CDH20: variants seen among roughly 807,000 people sequenced by gnomAD.
The protein encoded by CDH20 is cadherin-20.
Under a neutral mutation model 74.2 loss-of-function variants are expected in CDH20, and 29 were observed. That is an observed-to-expected ratio of 0.39 (90% confidence interval 0.29 to 0.53). CDH20 has a LOEUF of 0.53. Among genes scored for constraint, CDH20 ranks in the 20% least tolerant of loss-of-function variants. CDH20 has a pLI of 0.69. For synonymous variants in CDH20, 469 were observed against 405.4 expected, an observed-to-expected ratio of 1.16 and a Z score of -1.88; for missense variants, 988 against 1,048.3, an observed-to-expected ratio of 0.94 and a Z score of 0.79.
At chr18:61,481,602 G>A (rs111296791) in intron 1 of CDH20, among the ~76,000 whole-genome samples, 1 of 152,264 alleles carries the variant, frequency 6.6e-6, no homozygotes, top group African/African-American at 2.4e-5. Flanking sequence ...GGCATTAAAA[G>A]GCAAATTTTT....
intron 1 of CDH20, among the ~76,000 whole-genome samples, chr18:61,427,215 A>G (rs971885735): frequency 2.0e-5 from 3 of 152,142 alleles, no homozygotes; most frequent in Non-Finnish European, 2.9e-5. Context: ...ATACAATAAC[A>G]TTACATACAA....
At chr18:61,484,737 CCACACACACACACACACACACACACA>C (rs36203080) in intron 1 of CDH20, among the ~76,000 whole-genome samples, 47 of 146,248 alleles carry the variant, frequency 3.2e-4, no homozygotes, top group African/African-American at 4.6e-4. Context: ...TTGCTCTACT[CCACACACACACACACACACACACACA>C]CACACACACA....
intron 1 of CDH20, chr18:61,391,454 C>T (rs1268623228): frequency 6.6e-6 from 1 of 151,966 alleles, no homozygotes; most frequent in Non-Finnish European, 1.5e-5. Flanking sequence ...ATACATAATA[C>T]AATTTGCAGA....
At chr18:61,475,279 G>C (rs1331966234) in intron 1 of CDH20, among the ~76,000 whole-genome samples, 1 of 152,158 alleles carries the variant, frequency 6.6e-6, no homozygotes, top group Non-Finnish European at 1.5e-5. Context: ...GCCAGATATA[G>C]GGGTGTGAAG....
intron 1 of CDH20, among the ~76,000 whole-genome samples, chr18:61,439,180 T>C (rs894285100): frequency 9.9e-5 from 15 of 152,074 alleles, no homozygotes; most frequent in African/African-American, 3.6e-4. Context: ...ACGAGATCAA[T>C]TGTACCCCAA....
chr18:61,415,543 C>T (rs1462328398), intron 1 of CDH20, among the ~76,000 whole-genome samples: 1 of 152,108 alleles, frequency 6.6e-6, no homozygotes, highest in African/African-American at 2.4e-5. Context: ...GTATTGTTCA[C>T]TCATCTTTTC....
chr18:61,499,470 GT>G lies in CDH20; in HGVS notation c.532del (p.Ser178ProfsTer10), dbSNP rs1197767019. On this transcript the variant is annotated frameshift_variant, in exon 3 of 12. Coordinates refer to ENST00000262717, the MANE Select transcript of CDH20 (RefSeq NM_031891.4). LOFTEE classifies it high-confidence loss of function. ...GPYVATVPEMSPVGTSVIQVT... is the reference protein window; with the variant it reads ...GPYVATVPEMXPVGTSVIQVT... The stretch of plus-strand genomic sequence containing the variant: ...CTTATGTGGCCACTGTGCCAGAAAT[GT>G]CCCCTGTGGGTAAGGTGGTGACTCG... 6.2e-7 allele frequency: 1 copy of G among 1,603,778 alleles called. No homozygotes were observed. Among genetic ancestry groups the G allele is most frequent in the Non-Finnish European group, 8.5e-7 (1 of 1,174,188 alleles).
intron 1 of CDH20, among the ~76,000 whole-genome samples, chr18:61,469,819 A>T (rs1156873626): frequency 1.3e-5 from 2 of 152,354 alleles, no homozygotes; most frequent in East Asian, 3.9e-4. Context: ...ACACATACAC[A>T]TACATACACA....
intron 1 of CDH20, among the ~76,000 whole-genome samples, chr18:61,485,359 C>A (rs188145431): frequency 6.6e-6 from 1 of 152,206 alleles, no homozygotes; most frequent in East Asian, 1.9e-4. Context: ...TGTGGTGAAG[C>A]AGGTGAGAGT....
chr18:61,550,314 T>G, intron 11 of CDH20, 85 bp downstream of exon 11: 1 of 1,480,550 alleles, frequency 6.8e-7, no homozygotes, highest in Middle Eastern at 2.3e-4. Flanking sequence ...ACACAGCTAT[T>G]CAGAACTGGT....
chr18:61,395,576 C>CT (rs1375557785), intron 1 of CDH20, among the ~76,000 whole-genome samples: 2 of 152,128 alleles, frequency 1.3e-5, no homozygotes, highest in Non-Finnish European at 2.9e-5. Context: ...ACATTCCAGC[C>CT]TTATCAACTC....
intron 1 of CDH20, among the ~76,000 whole-genome samples, chr18:61,472,834 G>C (rs1432081852): frequency 1.3e-5 from 2 of 152,190 alleles, no homozygotes; most frequent in Admixed American, 1.3e-4. Context: ...AGTTGGTGTG[G>C]AACATGGTTA....
intron 6 of CDH20, among the ~76,000 whole-genome samples, chr18:61,516,938 C>G (rs946828373): frequency 2.0e-5 from 3 of 151,870 alleles, no homozygotes; most frequent in African/African-American, 7.3e-5. Flanking sequence ...GTGAGGGAGA[C>G]AATAATCTTA....
chr18:61,511,580 T>C (rs906895366), intron 6 of CDH20, among the ~76,000 whole-genome samples: 1 of 152,188 alleles, frequency 6.6e-6, no homozygotes, highest in African/African-American at 2.4e-5. Context: ...TCTTATGTCT[T>C]AAAATAATGT....
chr18:61,496,264 CTCCCTTCCTT>C (rs1182794170), intron 2 of CDH20, among the ~76,000 whole-genome samples: 1 of 126,372 alleles, frequency 7.9e-6, no homozygotes, highest in Non-Finnish European at 1.7e-5. Flanking sequence ...CTCCCTTCCT[CTCCCTTCCTT>C]TCCCTTCCCT....
At chr18:61,524,510 G>A (rs1243842667) in intron 6 of CDH20, among the ~76,000 whole-genome samples, 1 of 152,084 alleles carries the variant, frequency 6.6e-6, no homozygotes, top group Non-Finnish European at 1.5e-5. Context: ...ATATTAATAG[G>A]TTTACTCATA....
At chr18:61,442,986 A>G (rs139944030) in intron 1 of CDH20, among the ~76,000 whole-genome samples, 29 of 152,282 alleles carry the variant, frequency 1.9e-4, no homozygotes, top group African/African-American at 6.3e-4. Flanking sequence ...GAGCGTACGC[A>G]TATTCATCTT....
chr18:61,426,804 G>A (rs75834099), intron 1 of CDH20, among the ~76,000 whole-genome samples: 5,706 of 152,256 alleles, frequency 0.037, 151 homozygotes, highest in South Asian at 0.071. Context: ...ACACGTCCTC[G>A]TGGTTTTGTT....
chr18:61,367,996 C>T (rs538112208), intron 1 of CDH20, among the ~76,000 whole-genome samples: 1 of 152,138 alleles, frequency 6.6e-6, no homozygotes, highest in Non-Finnish European at 1.5e-5. Context: ...CTCTGATGAC[C>T]TCATTTTAAC....
Sources: allele counts gnomAD v4.1 joint callset (sites outside exome capture counted in the v4.1 genomes callset), GRCh38; gene constraint gnomAD v4.1.1; transcripts MANE v1.5; gene names NCBI Gene and HGNC (gene_info 2026-07-23, HGNC 2026-07-21).